Variants in CC2D2B observed in about 807,000 individuals in gnomAD.
The protein encoded by CC2D2B is coiled-coil and C2 domain containing 2B.
A neutral mutation model predicts 161.2 loss-of-function variants in CC2D2B; 128 were observed. The observed-to-expected ratio is 0.79, with a 90% CI of 0.69 to 0.92. The LOEUF (loss-of-function observed/expected upper bound fraction) is 0.92. Among genes scored for constraint, CC2D2B ranks in the 40% least tolerant of loss-of-function variants. CC2D2B has a pLI of 0.00. For missense variants in CC2D2B, 1,173 were observed against 1,375.1 expected, an observed-to-expected ratio of 0.85 and a Z score of 2.32; for synonymous variants, 391 against 449.8, an observed-to-expected ratio of 0.87 and a Z score of 1.65.
intron 9 of CC2D2B, among the ~76,000 whole-genome samples, chr10:95,941,355 C>G (rs921132212): frequency 6.6e-6 from 1 of 152,048 alleles, no homozygotes; most frequent in African/African-American, 2.4e-5. Context: ...CTACAACAAA[C>G]TAAAATGCAT....
intron 32 of CC2D2B, chr10:96,021,569 C>G (rs1243971659): frequency 6.6e-6 from 1 of 152,076 alleles, no homozygotes; most frequent in South Asian, 2.1e-4. Context: ...TCATGCATAT[C>G]TACATGAAAG....
rs1315536739 is a variant in CC2D2B at position 95,973,428 on chromosome 10, G to A, written c.1796-581G>A. 3.3e-5 allele frequency among the ~76,000 whole-genome samples: 5 copies of A among 152,252 alleles called. No individual in the cohort carries two copies. The East Asian group carries it at 7.7e-4, about 24-fold the overall frequency. On this transcript the variant is annotated intron_variant, in intron 16 of 34. Transcript: ENST00000646931. ...TCTTGCTGGAAGCCACTCCCACAGAGAATGGTTAAGAAGCCTCCAGGCATG... is the reference window on the plus strand; with the variant it reads ...TCTTGCTGGAAGCCACTCCCACAGAAAATGGTTAAGAAGCCTCCAGGCATG...
At chr10:95,970,742 A>C (rs966566511) in intron 15 of CC2D2B, among the ~76,000 whole-genome samples, 2 of 152,216 alleles carry the variant, frequency 1.3e-5, no homozygotes, top group Admixed American at 6.5e-5. Context: ...TTATCAGTTC[A>C]TGTTCTCTGA....
chr10:96,021,725 T>C (rs1487714056), intron 32 of CC2D2B, among the ~76,000 whole-genome samples: 1 of 152,118 alleles, frequency 6.6e-6, no homozygotes, highest in Non-Finnish European at 1.5e-5. Flanking sequence ...ATGGGAATGA[T>C]AAATACCAAA....
At chr10:95,961,325 T>A (rs1400754402) in intron 11 of CC2D2B, among the ~76,000 whole-genome samples, 1 of 152,124 alleles carries the variant, frequency 6.6e-6, no homozygotes, top group African/African-American at 2.4e-5. Context: ...GTCAGAAGTT[T>A]GAGACCAGTG....
intron 14 of CC2D2B, among the ~76,000 whole-genome samples, chr10:95,968,467 G>C (rs1311585021): frequency 6.6e-6 from 1 of 152,112 alleles, no homozygotes; most frequent in African/African-American, 2.4e-5. Flanking sequence ...AGTAAAATAA[G>C]AGCTGAATGA....
chr10:95,980,453 G>C (rs1226263851), intron 17 of CC2D2B, among the ~76,000 whole-genome samples: 1 of 152,048 alleles, frequency 6.6e-6, no homozygotes, highest in African/African-American at 2.4e-5. Flanking sequence ...AGGATATAAC[G>C]GGAAAAGTTT....
intron 9 of CC2D2B, among the ~76,000 whole-genome samples, chr10:95,940,848 C>T (rs1327807604): frequency 6.6e-6 from 1 of 152,060 alleles, no homozygotes. Flanking sequence ...CTCCCAATGA[C>T]ATTTTTTTAC....
chr10:95,993,950 GTGTATATATA>G lies in CC2D2B; in HGVS notation c.2642+1255_2642+1264del, dbSNP rs1202729443. 1.5e-3 allele frequency among the ~76,000 whole-genome samples: 21 copies of G among 13,714 alleles called. 1 individual carries two copies. The highest frequency in any genetic ancestry group is 3.2e-3 in the African/African-American group (12 of 3,764). The allele number at this position is 13,714 out of a possible 152,430, so 9.0% of individuals were successfully genotyped here. On this transcript the variant is annotated intron_variant, in intron 22 of 34. Transcript: ENST00000646931. ...TGTGTGTGTGTGTGTGTGTATGTAT[GTGTATATATA>G]TATATATATATATATATATATATAT...
intron 29 of CC2D2B, among the ~76,000 whole-genome samples, chr10:96,015,231 A>ATTTTTTTTTT (rs58739011): frequency 1.9e-4 from 21 of 111,326 alleles, no homozygotes; most frequent in African/African-American, 3.9e-4. Flanking sequence ...GGCCCAGCTA[A>ATTTTTTTTTT]TTTTTTTTTT....
Position 96,009,852 on chromosome 10 carries a change from C to A in CC2D2B, c.2974C>A (p.His992Asn). 6.3e-7 allele frequency: 1 copy of A among 1,599,332 alleles called. No individual in the cohort carries two copies. The highest frequency in any genetic ancestry group is 1.1e-5 in the South Asian group (1 of 88,668). The change falls in exon 26 of 35, where the codon CAC becomes AAC. Residue 992 changes from histidine to asparagine, a missense_variant. Coordinates refer to ENST00000646931, the MANE Select transcript of CC2D2B (RefSeq NM_001349008.3). The stretch of plus-strand genomic sequence containing the variant: ...TCACTGTCTCAAGAGCTGTAGTGGT[C>A]ACTCATATATAAGAAAGAATTGGCT... ...EDHCLKSCSGHSYIRKNWLGC... is the reference protein window; with the variant it reads ...EDHCLKSCSGNSYIRKNWLGC...
chr10:95,962,752 T>G (rs10219085), intron 12 of CC2D2B, among the ~76,000 whole-genome samples: 5 of 149,080 alleles, frequency 3.4e-5, no homozygotes, highest in Non-Finnish European at 5.9e-5. Flanking sequence ...TTTTTTTTTC[T>G]TGCTGCAGTA....
At chr10:95,909,039 GGTCCTC>G (rs148208131) in intron 1 of CC2D2B, among the ~76,000 whole-genome samples, 5,876 of 152,218 alleles carry the variant, frequency 0.039, 149 homozygotes, top group Non-Finnish European at 0.056. Flanking sequence ...CTTGGGAACT[GGTCCTC>G]AGAGCAGTGG....
In CC2D2B at chr10:96,019,794, C is replaced by T. The variant is rs202184525; in HGVS notation, c.3858C>T (p.Asn1286=). The T allele has an allele frequency of 1.1e-4, 176 of 1,605,890 alleles. No homozygotes were observed. The African/African-American group carries it at 1.7e-3, about 16-fold the overall frequency. The change falls in exon 32 of 35, where the codon AAC becomes AAT. Residue 1286 remains asparagine (N), a synonymous_variant. Transcript: ENST00000646931. ...TCTGGAAGCAGTTGCTTCCAAAAAA[C>T]GTTCAAGGAACAAAAATACAAAGCA... ...ESFWKQLLPK[N]VQGTKIQSIQ...
rs186317267 is a variant in CC2D2B at position 96,019,782 on chromosome 10, G to C, written c.3846G>C (p.Leu1282Phe). The change falls in exon 32 of 35, where the codon TTG becomes TTC. Residue 1282 changes from leucine to phenylalanine, a missense_variant. Leu to Phe is a conservative substitution (Grantham distance 22). Coordinates refer to ENST00000646931, the MANE Select transcript of CC2D2B (RefSeq NM_001349008.3). The stretch of plus-strand genomic sequence containing the variant: ...CAAAGGAAAGTTTCTGGAAGCAGTT[G>C]CTTCCAAAAAACGTTCAAGGAACAA... ...DYSKESFWKQ[L>F]LPKNVQGTKI... 266 of 1,603,286 alleles carry C rather than the reference G, an allele frequency of 1.7e-4. No homozygotes were observed. The highest frequency in any genetic ancestry group is 1.9e-4 in the Non-Finnish European group (222 of 1,177,262).
intron 20 of CC2D2B, among the ~76,000 whole-genome samples, chr10:95,990,608 T>C (rs1259618853): frequency 2.0e-5 from 3 of 152,032 alleles, no homozygotes; most frequent in African/African-American, 7.3e-5. Flanking sequence ...GTTATGTTTT[T>C]CCCATTCATC....
chr10:95,938,664 AC>A lies in CC2D2B; in HGVS notation c.633del (p.Cys212AlafsTer11). On this transcript the variant is annotated frameshift_variant, in exon 8 of 35. Coordinates refer to ENST00000646931, the MANE Select transcript of CC2D2B (RefSeq NM_001349008.3). LOFTEE classifies it high-confidence loss of function. Reference protein sequence around the residue: ...IQRKPEIYKKTCNKMENRLLK... With the variant: ...IQRKPEIYKKXCNKMENRLLK... ...GAGAAAGCCAGAAATATACAAAAAG[AC>A]CTGCAACAAAATGGAAAATCGCCTG... 1 of 714,244 alleles carries A rather than the reference AC, an allele frequency of 1.4e-6. No individual in the cohort carries two copies. Among genetic ancestry groups the A allele is most frequent in the Non-Finnish European group, 2.6e-6 (1 of 384,018 alleles). The allele number at this position is 714,244 out of a possible 1,614,324, so 44.2% of individuals were successfully genotyped here.
At chr10:95,986,857 A>G (rs1451560046) in intron 19 of CC2D2B, among the ~76,000 whole-genome samples, 2 of 152,096 alleles carry the variant, frequency 1.3e-5, no homozygotes, top group Non-Finnish European at 1.5e-5. Context: ...TCGGCCTCCC[A>G]CAGTGTTAGG....
intron 32 of CC2D2B, among the ~76,000 whole-genome samples, chr10:96,022,313 C>A (rs1046612191): frequency 6.6e-6 from 1 of 151,342 alleles, no homozygotes; most frequent in Non-Finnish European, 1.5e-5. Flanking sequence ...CAGAATGAGA[C>A]TCTGTCAAAG....
Sources: gnomAD v4.1 joint callset for allele counts (sites outside exome capture counted in the v4.1 genomes callset) on GRCh38, gnomAD v4.1.1 for gene constraint, MANE v1.5 for transcripts, NCBI Gene and HGNC (gene_info 2026-07-23, HGNC 2026-07-21) for gene names.